PCSK6: variants seen among roughly 807,000 people sequenced by gnomAD.
PCSK6 encodes the protein paired basic amino acid cleaving enzyme 4.
PCSK6 carries 85 observed loss-of-function variants against 123.3 expected under a neutral mutation model. That is an observed-to-expected ratio of 0.69 (90% CI 0.58 to 0.83). PCSK6 has a LOEUF of 0.83. Among genes scored for constraint, PCSK6 ranks in the 40% least tolerant of loss-of-function variants. PCSK6 has a pLI of 0.00. For synonymous variants in PCSK6, 508 were observed against 516.0 expected (o/e 0.98, Z 0.21); for missense variants, 1,191 against 1,282.3 (o/e 0.93, Z 1.09).
chr15:101,365,423 T>C (rs974262907), intron 13 of PCSK6, among the ~76,000 whole-genome samples: 1 of 152,208 alleles, frequency 6.6e-6, no homozygotes, highest in Non-Finnish European at 1.5e-5. Context: ...TTAACGAGAA[T>C]GTGAAGGAGC....
intron 1 of PCSK6, among the ~76,000 whole-genome samples, chr15:101,463,915 G>A (rs947087646): frequency 6.6e-6 from 1 of 152,122 alleles, no homozygotes; most frequent in African/African-American, 2.4e-5. Context: ...AATACACAAG[G>A]AGAACCAGAA....
At chr15:101,447,850 C>A (rs957183054) in intron 1 of PCSK6, among the ~76,000 whole-genome samples, 1 of 149,756 alleles carries the variant, frequency 6.7e-6, no homozygotes, top group African/African-American at 2.6e-5. Context: ...GCCTGAGCAG[C>A]CCGCCTTTAG....
intron 13 of PCSK6, 72 bp downstream of exon 13, chr15:101,366,124 T>G: frequency 2.1e-6 from 3 of 1,453,334 alleles, no homozygotes; most frequent in Non-Finnish European, 2.8e-6. Flanking sequence ...GACTCCGTAG[T>G]TAAATAAGGC....
chr15:101,325,772 A>C (rs1187779253), intron 16 of PCSK6, among the ~76,000 whole-genome samples: 1 of 152,240 alleles, frequency 6.6e-6, no homozygotes, highest in Admixed American at 6.5e-5. Context: ...GCCTGACTGC[A>C]GAGGCCACAC....
intron 11 of PCSK6, among the ~76,000 whole-genome samples, chr15:101,381,658 C>T (rs372475099): frequency 6.6e-6 from 1 of 152,242 alleles, no homozygotes; most frequent in African/African-American, 2.4e-5. Flanking sequence ...ACACTGCAGA[C>T]TCCCAGGGCC....
At chr15:101,417,163 G>A (rs2055917127) in intron 6 of PCSK6, among the ~76,000 whole-genome samples, 1 of 152,144 alleles carries the variant, frequency 6.6e-6, no homozygotes, top group Non-Finnish European at 1.5e-5. Flanking sequence ...GTTTATCAGG[G>A]GTTTCTGCTT....
chr15:101,461,942 C>G (rs1307621703), intron 1 of PCSK6, among the ~76,000 whole-genome samples: 1 of 152,134 alleles, frequency 6.6e-6, no homozygotes, highest in African/African-American at 2.4e-5. Context: ...TGCTTTTATT[C>G]ATCATTATAC....
At chr15:101,341,514 G>A (rs922908163) in intron 13 of PCSK6, among the ~76,000 whole-genome samples, 1 of 151,888 alleles carries the variant, frequency 6.6e-6, no homozygotes, top group Non-Finnish European at 1.5e-5. Context: ...TGGCCACCTT[G>A]GCCTCCCAAA....
At chr15:101,474,433 G>A (rs184946462) in intron 1 of PCSK6, among the ~76,000 whole-genome samples, 6 of 152,282 alleles carry the variant, frequency 3.9e-5, no homozygotes, top group African/African-American at 1.4e-4. Flanking sequence ...ACTGGGGTGC[G>A]CAGCCTGCCT....
At chr15:101,314,262 C>T (rs567028606) in intron 19 of PCSK6, among the ~76,000 whole-genome samples, 4 of 152,268 alleles carry the variant, frequency 2.6e-5, no homozygotes, top group East Asian at 3.9e-4. Flanking sequence ...GCTCAGGGTC[C>T]GAGGAGGACC....
At chr15:101,472,156 C>T (rs1336876173) in intron 1 of PCSK6, among the ~76,000 whole-genome samples, 1 of 152,248 alleles carries the variant, frequency 6.6e-6, no homozygotes, top group Admixed American at 6.5e-5. Flanking sequence ...GAGACATGCT[C>T]TGACTGACGG....
intron 6 of PCSK6, among the ~76,000 whole-genome samples, chr15:101,401,660 A>G (rs973433742): frequency 6.6e-6 from 1 of 152,186 alleles, no homozygotes; most frequent in Non-Finnish European, 1.5e-5. Context: ...GCACACTGCA[A>G]TGATGACACT....
chr15:101,384,299 C>T (rs756875452), intron 10 of PCSK6, 23 bp downstream of exon 10: 44 of 1,610,936 alleles, frequency 2.7e-5, no homozygotes, highest in Non-Finnish European at 3.6e-5. Flanking sequence ...ACCCAATGGT[C>T]CACCAGAACG....
In PCSK6 at chr15:101,429,996, T is replaced by C. The variant is rs181071841; in HGVS notation, c.725A>G (p.Asn242Ser). The change falls in exon 5 of 22, where the codon AAT (asparagine) becomes AGT (serine). Residue 242 changes from asparagine (N) to serine (S), a missense_variant. Physicochemically the swap from Asn to Ser is conservative, Grantham distance 46 (BLOSUM62 1). This residue lies in a region of PCSK6 where 357 missense variants were observed against 484.5 expected (regional missense o/e 0.74). Coordinates refer to ENST00000611716, the MANE Select transcript of PCSK6 (RefSeq NM_002570.5). The part of the protein sequence containing the change: ...YDPSPRYDAS[N>S]ENKHGTRCAG... The stretch of plus-strand genomic sequence containing the variant: ...AGGCGAGGTGACGTACTTATTTTCA[T>C]TGCTGGCATCATATCGTGGAGATGG... The C allele has an allele frequency of 1.7e-4, 277 of 1,613,398 alleles. No homozygotes were observed. In the African/African-American group the frequency reaches 3.4e-3, roughly 20 times the overall value.
At chr15:101,488,587 C>T (rs559526696) in intron 1 of PCSK6, among the ~76,000 whole-genome samples, 27 of 152,240 alleles carry the variant, frequency 1.8e-4, no homozygotes, top group Non-Finnish European at 3.5e-4. Flanking sequence ...GACAACCCAG[C>T]GGTGTAGACA....
chr15:101,378,567 G>T (rs1308268726), intron 11 of PCSK6, among the ~76,000 whole-genome samples: 4 of 152,228 alleles, frequency 2.6e-5, no homozygotes, highest in Admixed American at 2.6e-4. Flanking sequence ...GGCTCAGACT[G>T]CTCTAGGGCA....
chr15:101,431,030 C>T (rs945945405), intron 4 of PCSK6, among the ~76,000 whole-genome samples: 1 of 152,228 alleles, frequency 6.6e-6, no homozygotes, highest in Non-Finnish European at 1.5e-5. Flanking sequence ...TTGCTACTAT[C>T]TGTACGCTGA....
At chr15:101,393,784 A>G (rs746303112) in intron 7 of PCSK6, among the ~76,000 whole-genome samples, 8 of 152,234 alleles carry the variant, frequency 5.3e-5, no homozygotes, top group African/African-American at 9.6e-5. Context: ...GAGAGCTAGC[A>G]GTGCTGCAAA....
In PCSK6 at chr15:101,328,021, C is replaced by T. The variant is rs142838658; in HGVS notation, c.2078-1542G>A. Reference sequence around the variant, plus strand: ...TATAATATTTTGGATCAATTCCCATCTGATTGGATTCTTTGCCCACCTCAT... The same window carrying T: ...TATAATATTTTGGATCAATTCCCATTTGATTGGATTCTTTGCCCACCTCAT... On this transcript the variant is annotated intron_variant, in intron 15 of 21. Transcript: ENST00000611716. 1.3e-3 allele frequency among the ~76,000 whole-genome samples: 193 copies of T among 152,356 alleles called. 2 individuals are homozygous for T. The highest frequency in any genetic ancestry group is 4.4e-3 in the African/African-American group (182 of 41,578).
Sources: allele counts gnomAD v4.1 joint callset (sites outside exome capture counted in the v4.1 genomes callset), GRCh38; gene constraint gnomAD v4.1.1; regional missense constraint gnomAD v4.1.1; transcripts MANE v1.5; gene names NCBI Gene and HGNC (gene_info 2026-07-23, HGNC 2026-07-21).